PCNT: variants seen among roughly 807,000 people sequenced by gnomAD.
PCNT encodes pericentrin.
Under a neutral mutation model 380.4 loss-of-function variants are expected in PCNT, and 319 were observed. The observed-to-expected ratio is 0.84, with a 90% CI of 0.77 to 0.92. The LOEUF is 0.92. Ranked by LOEUF, PCNT falls within the 40% of genes least tolerant of loss-of-function variation. The pLI is 0.00. For missense variants in PCNT, 4,400 were observed against 4,255.3 expected, an observed-to-expected ratio of 1.03 and a Z score of -0.95; for synonymous variants, 1,845 against 1,735.2, an observed-to-expected ratio of 1.06 and a Z score of -1.57.
chr21:46,417,184 CTTTTTT>C (rs71318076), intron 30 of PCNT, among the ~76,000 whole-genome samples: 28 of 73,348 alleles, frequency 3.8e-4, no homozygotes, highest in African/African-American at 1.2e-3. Context: ...GGAATGCTTC[CTTTTTT>C]TTTTTTTTTT....
chr21:46,412,144 C>A, intron 28 of PCNT, 77 bp downstream of exon 28: 1 of 1,499,304 alleles, frequency 6.7e-7, no homozygotes, highest in Non-Finnish European at 9.0e-7. Context: ...TGACTTCTCT[C>A]TGCGCTGGGC....
intron 27 of PCNT, among the ~76,000 whole-genome samples, chr21:46,404,347 C>T (rs2086559472): frequency 6.7e-6 from 1 of 149,222 alleles, no homozygotes; most frequent in African/African-American, 2.4e-5. Flanking sequence ...GGAATATTTC[C>T]CTATTAAGGT....
At chr21:46,429,746 C>T (rs2087671822) in intron 35 of PCNT, among the ~76,000 whole-genome samples, 1 of 152,072 alleles carries the variant, frequency 6.6e-6, no homozygotes, top group South Asian at 2.1e-4. Context: ...GGTGAGGTGG[C>T]ATTTTTAGGA....
rs1601927877 is a variant in PCNT at position 46,388,158 on chromosome 21, C to T, written c.3465-584C>T. Among the ~76,000 whole-genome samples, 1 of 151,452 alleles carries T rather than the reference C, an allele frequency of 6.6e-6. No homozygotes were observed. The highest frequency in any genetic ancestry group is 6.6e-5 in the Admixed American group (1 of 15,204). The stretch of plus-strand genomic sequence containing the variant: ...CCGGGAGGTGGAGCTTGCAGTGAGC[C>T]AAGATCGTGCCACTGCACTCCAGCC... On this transcript the variant is annotated intron_variant, in intron 17 of 46. Transcript: ENST00000359568. The surrounding 1 kb of genome is among the most constrained non-coding windows in gnomAD (Gnocchi z 4.2).
At chr21:46,408,157 C>T (rs1411761617) in intron 27 of PCNT, among the ~76,000 whole-genome samples, 3 of 152,140 alleles carry the variant, frequency 2.0e-5, no homozygotes, top group Non-Finnish European at 4.4e-5. Context: ...CCCATCAGGC[C>T]TGCTGTCTTC....
intron 1 of PCNT, among the ~76,000 whole-genome samples, chr21:46,324,529 T>C (rs2083292074): frequency 7.1e-6 from 1 of 140,842 alleles, no homozygotes; most frequent in Admixed American, 6.9e-5. Flanking sequence ...GCGCGGCGCC[T>C]CTCGGGCGGG....
chr21:46,417,207 T>TTC (rs2087063853), intron 30 of PCNT, among the ~76,000 whole-genome samples: 1 of 129,244 alleles, frequency 7.7e-6, no homozygotes, highest in Non-Finnish European at 1.5e-5. Flanking sequence ...TTTTTTTTTT[T>TTC]TTGTGAGATG....
At position 46,416,180 on chromosome 21, in the gene PCNT, A is replaced by G; in HGVS notation, c.6262A>G (p.Asn2088Asp). 1 of 1,614,220 alleles carries G rather than the reference A, an allele frequency of 6.2e-7. No individual in the cohort carries two copies. Among genetic ancestry groups the G allele is most frequent in the Non-Finnish European group, 8.5e-7 (1 of 1,180,050 alleles). The change falls in exon 30 of 47, where the codon AAT becomes GAT. Residue 2088 changes from asparagine (N) to aspartate (D), a missense_variant. Transcript: ENST00000359568. ...TTTGCTGTATTCCATGACCTTCCAGAATGTGGATGCTGCCGACACCAAATC... is the reference window on the plus strand; with the variant it reads ...TTTGCTGTATTCCATGACCTTCCAGGATGTGGATGCTGCCGACACCAAATC... Reference protein sequence around the residue: ...NRLLYSMTFQNVDAADTKSLW... With the variant: ...NRLLYSMTFQDVDAADTKSLW...
intron 36 of PCNT, 22 bp from the exon 37 acceptor site, chr21:46,430,485 G>A (rs1396155281): frequency 4.5e-6 from 7 of 1,549,646 alleles, no homozygotes; most frequent in Non-Finnish European, 6.1e-6. Flanking sequence ...TGGTCAGATT[G>A]TTCTGCGATG....
In PCNT at chr21:46,353,952, G is replaced by T. The variant is rs746183414; in HGVS notation, c.1680-35G>T. The stretch of plus-strand genomic sequence containing the variant: ...TGGCGCACACATGGAAAAGGGGTAC[G>T]TGTGTAAAGCTTTTATAAAATGTTT... On this transcript the variant is annotated intron_variant, in intron 10 of 46. Transcript: ENST00000359568. 6 of 1,562,712 alleles carry T rather than the reference G, an allele frequency of 3.8e-6. No homozygotes were observed. The Admixed American group carries it at 8.4e-5, about 22-fold the overall frequency.
chr21:46,325,344 G>A (rs2083345484), intron 1 of PCNT: 1 of 346,692 alleles, frequency 2.9e-6, no homozygotes, highest in African/African-American at 2.2e-5. Context: ...GGGGAGCCCG[G>A]AGCCTGCAGG....
At chr21:46,400,516 T>C (rs2086385112) in intron 25 of PCNT, among the ~76,000 whole-genome samples, 1 of 73,454 alleles carries the variant, frequency 1.4e-5, no homozygotes. Flanking sequence ...CTGATTCTTT[T>C]TTTTTTTTTT....
intron 32 of PCNT, among the ~76,000 whole-genome samples, chr21:46,424,707 C>T (rs1437786447): frequency 1.8e-5 from 2 of 108,124 alleles, no homozygotes; most frequent in Non-Finnish European, 3.8e-5. Flanking sequence ...GGCCCTGCTC[C>T]CACTGCGCCC....
intron 16 of PCNT, among the ~76,000 whole-genome samples, chr21:46,385,058 C>T (rs959040913): frequency 6.6e-5 from 10 of 152,352 alleles, no homozygotes; most frequent in African/African-American, 2.2e-4. Flanking sequence ...TAGACTCTCA[C>T]TCCCCATTTG....
At chr21:46,329,650 C>T (rs1032032059) in intron 2 of PCNT, among the ~76,000 whole-genome samples, 4 of 152,178 alleles carry the variant, frequency 2.6e-5, no homozygotes, top group African/African-American at 9.7e-5. Context: ...GTGGACAGGA[C>T]ACTTCACCCT....
In PCNT at chr21:46,432,038, A is replaced by G; in HGVS notation, c.8574A>G (p.Arg2858=). The change falls in exon 38 of 47, where the codon AGA becomes AGG. Residue 2858 remains arginine (R), a synonymous_variant. Transcript: ENST00000359568. Reference sequence around the variant, plus strand: ...TGCACACCCAAAAACGAGAGCTGAGATGCTCTCTGGAGAGAGAGAGGGAGA... The same window carrying G: ...TGCACACCCAAAAACGAGAGCTGAGGTGCTCTCTGGAGAGAGAGAGGGAGA... ...EALHTQKREL[R]CSLEREREKP... is the part of the protein sequence containing the mutation. 1.9e-6 allele frequency: 3 copies of G among 1,613,978 alleles called. No individual in the cohort carries two copies. The highest frequency in any genetic ancestry group is 2.5e-6 in the Non-Finnish European group (3 of 1,180,022).
Position 46,354,078 on chromosome 21 carries a change from C to G in PCNT, c.1761+10C>G, listed in dbSNP as rs774593841. The stretch of plus-strand genomic sequence containing the variant: ...GCCTGAGCGACATAAGGTAATTGGC[C>G]GCGCGCTGAGAAGTGGGGGAGTCCT... On this transcript the variant is annotated intron_variant, in intron 11 of 46. Transcript: ENST00000359568. 6.2e-7 allele frequency: 1 copy of G among 1,612,546 alleles called. No homozygotes were observed. Among genetic ancestry groups the G allele is most frequent in the Non-Finnish European group, 8.5e-7 (1 of 1,178,624 alleles).
In PCNT at chr21:46,324,300, C is replaced by T. The variant is rs760063510; in HGVS notation, c.54+18C>T. 6.3e-7 allele frequency: 1 copy of T among 1,594,470 alleles called. No individual in the cohort carries two copies. On this transcript the variant is annotated intron_variant, in intron 1 of 46. Coordinates refer to ENST00000359568, the MANE Select transcript of PCNT (RefSeq NM_006031.6). ...GGACGAAGGTAAACATTAGGGGCTT[C>T]TTCTCTAGCTGCTCTGGCGTGAAGT...
chr21:46,381,630 G>T, intron 15 of PCNT, 64 bp from the exon 16 acceptor site: 1 of 1,498,784 alleles, frequency 6.7e-7, no homozygotes, highest in Non-Finnish European at 9.3e-7. Context: ...CTGAATTCCG[G>T]CTAACAGCAA....
Sources: gnomAD v4.1 joint callset for allele counts (sites outside exome capture counted in the v4.1 genomes callset) on GRCh38, gnomAD v4.1.1 for gene constraint, Gnocchi (gnomAD v3.1) non-coding constraint, MANE v1.5 for transcripts, NCBI Gene and HGNC (gene_info 2026-07-23, HGNC 2026-07-21) for gene names.